CDH8: variants seen among roughly 807,000 people sequenced by gnomAD.
CDH8 encodes the protein cadherin 8, also known as cadherin-8.
CDH8 carries 17 observed loss-of-function variants against 68.1 expected under a neutral mutation model. The ratio of observed to expected loss-of-function variants is 0.25; its 90% CI spans 0.17 to 0.37. The LOEUF is 0.37. Among genes scored for constraint, CDH8 ranks in the 10% least tolerant of loss-of-function variants. The pLI, the probability that CDH8 is intolerant of heterozygous loss-of-function variation, is 1.00. For missense variants in CDH8, 763 were observed against 999.3 expected, an observed-to-expected ratio of 0.76 and a Z score of 3.19; for synonymous variants, 372 against 365.1, an observed-to-expected ratio of 1.02 and a Z score of -0.21.
At chr16:61,864,388 C>A (rs1201581923) in intron 3 of CDH8, among the ~76,000 whole-genome samples, 1 of 151,934 alleles carries the variant, frequency 6.6e-6, no homozygotes, top group Admixed American at 6.6e-5. Flanking sequence ...GCTTCCCCAA[C>A]CAAGTTACCA....
chr16:61,712,722 G>A (rs1230520958), intron 10 of CDH8, among the ~76,000 whole-genome samples: 2 of 151,606 alleles, frequency 1.3e-5, no homozygotes, highest in Non-Finnish European at 3.0e-5. Context: ...GTTTATAATA[G>A]TGGAAGTCAG....
intron 2 of CDH8, among the ~76,000 whole-genome samples, chr16:61,976,789 G>A (rs1015158743): frequency 5.3e-5 from 8 of 152,146 alleles, no homozygotes; most frequent in African/African-American, 1.9e-4. Context: ...GCAAATCAAA[G>A]TTAGAAGAAT....
chr16:61,764,582 A>AGAGATTCT (rs1393079617), intron 8 of CDH8, among the ~76,000 whole-genome samples: 2 of 152,090 alleles, frequency 1.3e-5, no homozygotes, highest in African/African-American at 4.8e-5. Flanking sequence ...CAAGTACACT[A>AGAGATTCT]GAGATTCTCT....
At chr16:61,784,891 A>AT (rs1961196140) in intron 8 of CDH8, among the ~76,000 whole-genome samples, 2 of 152,218 alleles carry the variant, frequency 1.3e-5, no homozygotes, top group Non-Finnish European at 2.9e-5. Context: ...AAAACCAACT[A>AT]GAACAAAGAC....
chr16:61,919,104 C>G (rs529877793), intron 2 of CDH8, among the ~76,000 whole-genome samples: 1 of 145,714 alleles, frequency 6.9e-6, no homozygotes. Flanking sequence ...AGCTGAGGGT[C>G]CTGTCTGTTA....
chr16:61,835,385 T>C (rs1470402703), intron 4 of CDH8, among the ~76,000 whole-genome samples: 7 of 152,052 alleles, frequency 4.6e-5, no homozygotes, highest in African/African-American at 1.7e-4. Flanking sequence ...CCATATGGAA[T>C]AACATATGAA....
chr16:61,844,750 C>T (rs1407912682), intron 4 of CDH8, among the ~76,000 whole-genome samples: 1 of 152,076 alleles, frequency 6.6e-6, no homozygotes, highest in Non-Finnish European at 1.5e-5. Flanking sequence ...AGGGTGGGTT[C>T]CTTTCTTCTA....
At chr16:61,811,918 T>C (rs780623128) in intron 7 of CDH8, among the ~76,000 whole-genome samples, 106 of 152,294 alleles carry the variant, frequency 7.0e-4, no homozygotes, top group Non-Finnish European at 4.6e-4. Context: ...GCATTGCTAA[T>C]CAACAGGCAT....
chr16:61,664,868 A>G (rs1188492525), intron 10 of CDH8, among the ~76,000 whole-genome samples: 1 of 152,000 alleles, frequency 6.6e-6, no homozygotes, highest in African/African-American at 2.4e-5. Flanking sequence ...TTAGTCAAGG[A>G]GAAATTTCTT....
At chr16:61,982,155 C>T (rs1319065664) in intron 2 of CDH8, among the ~76,000 whole-genome samples, 1 of 152,098 alleles carries the variant, frequency 6.6e-6, no homozygotes, top group Non-Finnish European at 1.5e-5. Flanking sequence ...GAAGCACATC[C>T]TTCGAACTCA....
At chr16:61,851,670 C>G (rs201910887) in intron 4 of CDH8, among the ~76,000 whole-genome samples, 4 of 109,436 alleles carry the variant, frequency 3.7e-5, no homozygotes, top group Non-Finnish European at 8.8e-5. Context: ...AAAAAAAAAA[C>G]ATTTTAAGAA....
Position 61,822,059 on chromosome 16 carries a change from T to TAGTATATAAA in CDH8, c.836-956_836-947dup, listed in dbSNP as rs1230370531. ...GCAGCCCTCAAAGACTCACAGGAGT[T>TAGTATATAAA]AGTATATAAAATTCTAGGTCTCTCC... On this transcript the variant is annotated intron_variant, in intron 5 of 11. Coordinates refer to ENST00000577390, the MANE Select transcript of CDH8 (RefSeq NM_001796.5). 1.3e-4 allele frequency among the ~76,000 whole-genome samples: 20 copies of TAGTATATAAA among 151,860 alleles called. No homozygotes were observed. The Admixed American group carries it at 1.3e-3, about 10-fold the overall frequency.
chr16:61,903,524 T>G (rs1294011809), intron 2 of CDH8, among the ~76,000 whole-genome samples: 1 of 152,010 alleles, frequency 6.6e-6, no homozygotes, highest in African/African-American at 2.4e-5. Flanking sequence ...AGGGTTTCAC[T>G]GTGGTCTTGA....
intron 7 of CDH8, among the ~76,000 whole-genome samples, chr16:61,798,139 A>C (rs983505792): frequency 6.6e-6 from 1 of 152,232 alleles, no homozygotes; most frequent in African/African-American, 2.4e-5. Context: ...TGGAGCCAGG[A>C]AAATAATAGT....
intron 2 of CDH8, among the ~76,000 whole-genome samples, chr16:61,964,935 T>C (rs1178812488): frequency 6.6e-6 from 1 of 152,240 alleles, no homozygotes; most frequent in South Asian, 2.1e-4. Flanking sequence ...AGCATCCTAC[T>C]CAGCTCTACA....
At chr16:61,865,154 C>T (rs1963230368) in intron 3 of CDH8, among the ~76,000 whole-genome samples, 1 of 152,148 alleles carries the variant, frequency 6.6e-6, no homozygotes, top group Admixed American at 6.6e-5. Flanking sequence ...GGAATGGAGA[C>T]AGATTCTTAA....
intron 9 of CDH8, among the ~76,000 whole-genome samples, chr16:61,718,989 T>C (rs1284251705): frequency 6.6e-6 from 1 of 151,288 alleles, no homozygotes; most frequent in African/African-American, 2.4e-5. Flanking sequence ...TTCAAAACTG[T>C]AAAATGTAGT....
chr16:62,023,115 G>A (rs902106973), intron 1 of CDH8, among the ~76,000 whole-genome samples: 1 of 152,170 alleles, frequency 6.6e-6, no homozygotes, highest in African/African-American at 2.4e-5. Flanking sequence ...TCTCATCCCA[G>A]TGTGTGAGCA....
At chr16:61,863,846 G>C (rs1963200494) in intron 3 of CDH8, among the ~76,000 whole-genome samples, 1 of 152,162 alleles carries the variant, frequency 6.6e-6, no homozygotes, top group Admixed American at 6.5e-5. Context: ...CAGACAAAGT[G>C]TTTGGCATTA....
Sources: allele counts gnomAD v4.1 joint callset (sites outside exome capture counted in the v4.1 genomes callset), GRCh38; gene constraint gnomAD v4.1.1; transcripts MANE v1.5; gene names NCBI Gene and HGNC (gene_info 2026-07-23, HGNC 2026-07-21).